SGMS1: variants seen among roughly 807,000 people sequenced by gnomAD.
SGMS1 encodes sphingomyelin synthase 1, also known as phosphatidylcholine:ceramide cholinephosphotransferase 1.
Under a neutral mutation model 46.2 loss-of-function variants are expected in SGMS1, and 13 were observed. The observed-to-expected ratio is 0.28, with a 90% CI of 0.18 to 0.45. SGMS1 has a LOEUF of 0.45. Ranked by LOEUF, SGMS1 falls within the 20% of genes least tolerant of loss-of-function variation. The probability of loss-of-function intolerance (pLI) is 1.00; values close to 1 mark genes in which losing one functional copy is unlikely to be tolerated. For synonymous variants in SGMS1, 203 were observed against 187.8 expected, an observed-to-expected ratio of 1.08 and a Z score of -0.66; for missense variants, 324 against 519.9, an observed-to-expected ratio of 0.62 and a Z score of 3.66.
chr10:50,489,392 T>C (rs951458104), intron 3 of SGMS1, among the ~76,000 whole-genome samples: 1 of 152,218 alleles, frequency 6.6e-6, no homozygotes, highest in African/African-American at 2.4e-5. Flanking sequence ...TTTCCCTCCA[T>C]GGGAACCTTC....
intron 6 of SGMS1, among the ~76,000 whole-genome samples, chr10:50,427,338 G>A (rs985263041): frequency 6.6e-6 from 1 of 152,202 alleles, no homozygotes; most frequent in South Asian, 2.1e-4. Context: ...GGTGGAGCTT[G>A]CAGTGAGCCG....
At chr10:50,568,429 C>T (rs1393866014) in intron 2 of SGMS1, among the ~76,000 whole-genome samples, 2 of 152,228 alleles carry the variant, frequency 1.3e-5, no homozygotes, top group African/African-American at 2.4e-5. Flanking sequence ...GTCTACCCTC[C>T]AGTTGCCTAA....
At chr10:50,318,581 C>G (rs1198490260) in intron 8 of SGMS1, among the ~76,000 whole-genome samples, 2 of 152,050 alleles carry the variant, frequency 1.3e-5, no homozygotes, top group Non-Finnish European at 2.9e-5. Context: ...CTGCCGGACG[C>G]TCACTGGTGG....
At chr10:50,470,830 C>CAAAAAACAAAAAACAAAAAATAAAA (rs2098866705) in intron 3 of SGMS1, among the ~76,000 whole-genome samples, 8 of 152,224 alleles carry the variant, frequency 5.3e-5, no homozygotes, top group Admixed American at 5.2e-4. Context: ...AAAGACCATC[C>CAAAAAACAAAAAACAAAAAATAAAA]ATTAACTACC....
intron 1 of SGMS1, among the ~76,000 whole-genome samples, chr10:50,619,359 C>T (rs1240253444): frequency 1.3e-5 from 2 of 152,066 alleles, no homozygotes; most frequent in African/African-American, 4.8e-5. Context: ...TTATGAATGC[C>T]TGCAAATTTC....
At chr10:50,547,453 T>G (rs1362657090) in intron 2 of SGMS1, among the ~76,000 whole-genome samples, 1 of 152,102 alleles carries the variant, frequency 6.6e-6, no homozygotes, top group Non-Finnish European at 1.5e-5. Context: ...AATAAATGGA[T>G]AAATTCCTAG....
chr10:50,568,835 C>T (rs549299045), intron 2 of SGMS1, among the ~76,000 whole-genome samples: 21 of 152,154 alleles, frequency 1.4e-4, no homozygotes, highest in South Asian at 4.2e-4. Flanking sequence ...GCTGTGAGGG[C>T]GCTTACAGAC....
At chr10:50,475,991 C>T (rs2133708867) in intron 3 of SGMS1, among the ~76,000 whole-genome samples, 1 of 147,972 alleles carries the variant, frequency 6.8e-6, no homozygotes, top group East Asian at 2.0e-4. Context: ...TGGCTCACAC[C>T]TTGTAATCCC....
At chr10:50,486,383 C>A (rs12219070) in intron 3 of SGMS1, among the ~76,000 whole-genome samples, 1 of 152,042 alleles carries the variant, frequency 6.6e-6, no homozygotes, top group Non-Finnish European at 1.5e-5. Context: ...AGACAACCTA[C>A]GGAACGGGAG....
rs1339271415 is a variant in SGMS1, at chr10:50,344,127, C to G, written c.-13G>C. 1.9e-6 allele frequency: 3 copies of G among 1,586,790 alleles called. No homozygotes were observed. The highest frequency in any genetic ancestry group is 1.7e-6 in the Non-Finnish European group (2 of 1,167,956). On this transcript the variant is annotated 5_prime_UTR_variant, in exon 7 of 11. Transcript: ENST00000361781. ...CCACTTCCTTCATTGTACTGGCAGA[C>G]AGCAGGCAGTCCCCAGCTCTCTCTT...
At chr10:50,529,896 AACACTGCTT>A (rs1837938040) in intron 2 of SGMS1, among the ~76,000 whole-genome samples, 1 of 152,194 alleles carries the variant, frequency 6.6e-6, no homozygotes, top group African/African-American at 2.4e-5. Context: ...AGGGATGACT[AACACTGCTT>A]ACATAAAAAA....
At chr10:50,397,297 A>G (rs1848861214) in intron 6 of SGMS1, among the ~76,000 whole-genome samples, 1 of 152,172 alleles carries the variant, frequency 6.6e-6, no homozygotes, top group African/African-American at 2.4e-5. Context: ...TGGGTGTCTA[A>G]GTTGTCACTC....
intron 9 of SGMS1, among the ~76,000 whole-genome samples, chr10:50,308,559 A>C (rs1847209700): frequency 6.6e-6 from 1 of 152,126 alleles, no homozygotes; most frequent in African/African-American, 2.4e-5. Flanking sequence ...ACAAGGACTA[A>C]GCAGTCATAA....
At chr10:50,354,145 C>G (rs1848087025) in intron 6 of SGMS1, among the ~76,000 whole-genome samples, 1 of 147,776 alleles carries the variant, frequency 6.8e-6, no homozygotes, top group Admixed American at 6.7e-5. Context: ...CAATCCTAAG[C>G]CAAAAGAACA....
At chr10:50,519,042 A>G (rs1385811006) in intron 3 of SGMS1, among the ~76,000 whole-genome samples, 1 of 152,206 alleles carries the variant, frequency 6.6e-6, no homozygotes, top group Non-Finnish European at 1.5e-5. Flanking sequence ...AGAAAAATTA[A>G]TTTACTACCG....
intron 5 of SGMS1, among the ~76,000 whole-genome samples, chr10:50,459,763 C>T (rs2064762): frequency 6.6e-6 from 1 of 152,208 alleles, no homozygotes; most frequent in Non-Finnish European, 1.5e-5. Context: ...CATACTATTT[C>T]TATGGTACAC....
chr10:50,503,762 G>C (rs1564419274), intron 3 of SGMS1, among the ~76,000 whole-genome samples: 2 of 152,162 alleles, frequency 1.3e-5, no homozygotes. Context: ...AGACGACAAA[G>C]GCTAGGGTTC....
chr10:50,536,018 C>T (rs1035062162), intron 2 of SGMS1, among the ~76,000 whole-genome samples: 12 of 152,150 alleles, frequency 7.9e-5, no homozygotes, highest in Admixed American at 5.9e-4. Flanking sequence ...TTCCCCCACA[C>T]ATATCCACTC....
At chr10:50,346,688 C>T (rs1468123961) in intron 6 of SGMS1, among the ~76,000 whole-genome samples, 1 of 152,056 alleles carries the variant, frequency 6.6e-6, no homozygotes, top group African/African-American at 2.4e-5. Context: ...CTCATCTCTA[C>T]TGAATCCCAA....
Sources: allele counts gnomAD v4.1 joint callset (sites outside exome capture counted in the v4.1 genomes callset), GRCh38; gene constraint gnomAD v4.1.1; transcripts MANE v1.5; gene names NCBI Gene and HGNC (gene_info 2026-07-23, HGNC 2026-07-21).